TSHZ3: variants seen among roughly 807,000 people sequenced by gnomAD.
The protein encoded by TSHZ3 is teashirt zinc finger homeobox 3, also known as teashirt homolog 3.
TSHZ3 carries 10 observed loss-of-function variants against 64.5 expected under a neutral mutation model. The observed-to-expected ratio is 0.16, with a 90% CI of 0.10 to 0.26. The LOEUF (loss-of-function observed/expected upper bound fraction) is 0.26. Ranked by LOEUF, TSHZ3 falls within the 10% of genes least tolerant of loss-of-function variation. TSHZ3 has a pLI of 1.00. For synonymous variants in TSHZ3, 608 were observed against 593.1 expected (o/e 1.03, Z -0.36); for missense variants, 1,242 against 1,421.7 (o/e 0.87, Z 2.03).
chr19:31,313,369 C>G (rs2145157089), intron 1 of TSHZ3, among the ~76,000 whole-genome samples: 1 of 152,340 alleles, frequency 6.6e-6, no homozygotes, highest in African/African-American at 2.4e-5. Flanking sequence ...AGACAGGATG[C>G]TCCACCTTTG....
chr19:31,343,031 T>C (rs1917482591), intron 1 of TSHZ3, among the ~76,000 whole-genome samples: 1 of 152,154 alleles, frequency 6.6e-6, no homozygotes, highest in Non-Finnish European at 1.5e-5. Context: ...TAACAGTGTC[T>C]CTCTCCCCTA....
intron 1 of TSHZ3, among the ~76,000 whole-genome samples, chr19:31,313,681 G>A (rs776210780): frequency 6.6e-6 from 1 of 152,218 alleles, no homozygotes. Flanking sequence ...GGACAGATTG[G>A]TGAGAGTCCC....
At chr19:31,239,014 T>C (rs1270634317) in intron 3 of TSHZ3, among the ~76,000 whole-genome samples, 1 of 152,206 alleles carries the variant, frequency 6.6e-6, no homozygotes, top group African/African-American at 2.4e-5. Context: ...ATACATCTTC[T>C]CTTTTTTGTA....
At chr19:31,268,692 T>C (rs868375950) in intron 1 of TSHZ3, among the ~76,000 whole-genome samples, 3 of 152,100 alleles carry the variant, frequency 2.0e-5, no homozygotes, top group Non-Finnish European at 4.4e-5. Context: ...CCGAGAAGAA[T>C]ATCAGGACAT....
intron 1 of TSHZ3, among the ~76,000 whole-genome samples, chr19:31,297,621 C>T (rs989548672): frequency 5.3e-5 from 8 of 152,092 alleles, no homozygotes; most frequent in East Asian, 1.9e-4. Flanking sequence ...CACACCACCA[C>T]GCCTAGCTGA....
At chr19:31,266,857 G>A (rs1976059846) in intron 1 of TSHZ3, among the ~76,000 whole-genome samples, 1 of 152,182 alleles carries the variant, frequency 6.6e-6, no homozygotes, top group South Asian at 2.1e-4. Context: ...TAGGGACCAA[G>A]CCCCTGTGGT....
upstream of TSHZ3, chr19:31,349,439 G>T: frequency 2.5e-6 from 1 of 402,338 alleles, no homozygotes; most frequent in South Asian, 7.6e-5. Context: ...GGAAGAAGGA[G>T]GGCGGGCGAG....
chr19:31,263,821 A>G (rs974387423), intron 1 of TSHZ3, among the ~76,000 whole-genome samples: 1 of 152,250 alleles, frequency 6.6e-6, no homozygotes, highest in African/African-American at 2.4e-5. Context: ...AACCACATAA[A>G]TAAGTAAATA....
chr19:31,213,140 G>A (rs1397075586), intron 4 of TSHZ3, among the ~76,000 whole-genome samples: 1 of 151,748 alleles, frequency 6.6e-6, no homozygotes, highest in Non-Finnish European at 1.5e-5. Context: ...TGGATTGCCT[G>A]AACTCAGGAG....
chr19:31,246,560 T>C (rs976020064), intron 1 of TSHZ3, among the ~76,000 whole-genome samples: 5 of 151,832 alleles, frequency 3.3e-5, no homozygotes, highest in South Asian at 2.1e-4. Context: ...AGGTGCTGGA[T>C]TGAAATTGAA....
rs572968259 is a variant in TSHZ3, at chr19:31,263,671, A to C, written n.64-20796T>G. 5.8e-4 allele frequency among the ~76,000 whole-genome samples: 88 copies of C among 152,148 alleles called. No individual in the cohort carries two copies. In the South Asian group the frequency reaches 0.017, roughly 29 times the overall value. On this transcript the variant is annotated intron_variant and non_coding_transcript_variant, in intron 1 of 6. Transcript: ENST00000651361. ...CCCTGCAGCAGGCTTCCAGGTTTCC[A>C]TGTCTCACAGATCCTGTGGGTCCCC...
At chr19:31,338,209 C>T (rs1468027442) in intron 1 of TSHZ3, among the ~76,000 whole-genome samples, 2 of 152,220 alleles carry the variant, frequency 1.3e-5, no homozygotes, top group African/African-American at 4.8e-5. Flanking sequence ...CAGCTGGGGG[C>T]TGTGTCAGTG....
chr19:31,208,206 T>C (rs1975212558), intron 4 of TSHZ3, among the ~76,000 whole-genome samples: 1 of 152,198 alleles, frequency 6.6e-6, no homozygotes, highest in Non-Finnish European at 1.5e-5. Context: ...GTTTAGGATA[T>C]CAAAGCAAAA....
intron 1 of TSHZ3, among the ~76,000 whole-genome samples, chr19:31,253,202 G>A (rs1486325327): frequency 6.6e-6 from 1 of 152,138 alleles, no homozygotes; most frequent in African/African-American, 2.4e-5. Flanking sequence ...GGTAGTTGGG[G>A]TCATTAGAGG....
intron 1 of TSHZ3, among the ~76,000 whole-genome samples, chr19:31,249,154 C>CTAGG (rs1351790273): frequency 6.6e-6 from 1 of 152,074 alleles, no homozygotes; most frequent in Non-Finnish European, 1.5e-5. Context: ...GAGCCTCTGC[C>CTAGG]TAGGGGTCAA....
At chr19:31,343,979 T>A (rs1917510519) in intron 1 of TSHZ3, among the ~76,000 whole-genome samples, 1 of 152,206 alleles carries the variant, frequency 6.6e-6, no homozygotes, top group Admixed American at 6.5e-5. Flanking sequence ...AATTGTCATC[T>A]TATCTTATTA....
At chr19:31,335,651 G>A (rs188494032) in intron 1 of TSHZ3, among the ~76,000 whole-genome samples, 9 of 152,218 alleles carry the variant, frequency 5.9e-5, no homozygotes, top group African/African-American at 2.2e-4. Flanking sequence ...GTCACCTGAA[G>A]TCGAAGCCAC....
At chr19:31,299,109 T>A (rs1293422787) in intron 1 of TSHZ3, among the ~76,000 whole-genome samples, 1 of 152,072 alleles carries the variant, frequency 6.6e-6, no homozygotes, top group African/African-American at 2.4e-5. Flanking sequence ...GCAGGAGAAT[T>A]GCTTGAGCCC....
intron 5 of TSHZ3, among the ~76,000 whole-genome samples, chr19:31,157,526 T>C (rs1233865385): frequency 6.6e-6 from 1 of 152,222 alleles, no homozygotes; most frequent in Non-Finnish European, 1.5e-5. Context: ...ACAGAATAAC[T>C]GTGCTGGTTC....
Sources: gnomAD v4.1 joint callset for allele counts (sites outside exome capture counted in the v4.1 genomes callset) on GRCh38, gnomAD v4.1.1 for gene constraint, MANE v1.5 for transcripts, NCBI Gene and HGNC (gene_info 2026-07-23, HGNC 2026-07-21) for gene names.